Variants in PCDHGB6 observed in about 807,000 individuals in gnomAD.
The protein encoded by PCDHGB6 is protocadherin gamma subfamily B, 6, also known as protocadherin gamma-B6.
PCDHGB6 carries 51 observed loss-of-function variants against 59.1 expected under a neutral mutation model. The observed-to-expected ratio is 0.86, with a 90% CI of 0.69 to 1.09. The LOEUF is 1.09. Ranked by LOEUF, PCDHGB6 falls within the 50% of genes least tolerant of loss-of-function variation. PCDHGB6 has a pLI of 0.00. For missense variants in PCDHGB6, 1,148 were observed against 1,205.1 expected (o/e 0.95, Z 0.70); for synonymous variants, 466 against 495.1 (o/e 0.94, Z 0.78).
rs1029080327 is a variant in PCDHGB6 at position 141,512,737 on chromosome 5, G to C, written c.*1564G>C. 6.5e-5 allele frequency: 10 copies of C among 152,868 alleles called. No individual in the cohort carries two copies. The highest frequency in any genetic ancestry group is 2.4e-4 in the African/African-American group (10 of 41,472). 9.5% of individuals were successfully genotyped at this position (152,868 alleles called of 1,614,324 possible). On this transcript the variant is annotated 3_prime_UTR_variant, in exon 4 of 4. Transcript: ENST00000520790. Reference sequence around the variant, plus strand: ...ATGGCGGGTGGGCAGCGGGCGGCGGGCTCCGCGCAGCCGTCTGTCCTTGAT... The same window carrying C: ...ATGGCGGGTGGGCAGCGGGCGGCGGCCTCCGCGCAGCCGTCTGTCCTTGAT...
At position 141,489,185 on chromosome 5, in the gene PCDHGB6, T is replaced by TCTA; in HGVS notation, c.2419-5620_2419-5618dup. Reference sequence around the variant, plus strand: ...CAGCTGCTGCATTCCAAGCCCTGGGTCTACCTTGGAGACAGGACAGCACAG... The same window carrying TCTA: ...CAGCTGCTGCATTCCAAGCCCTGGGTCTACTACCTTGGAGACAGGACAGCACAG... On this transcript the variant is annotated intron_variant, in intron 1 of 3. Coordinates refer to ENST00000520790, the MANE Select transcript of PCDHGB6 (RefSeq NM_018926.3). This position sits in a 1 kb window ranked among gnomAD's most constrained non-coding sequence, Gnocchi z 4.5. 7.8e-7 allele frequency: 1 copy of TCTA among 1,286,838 alleles called. No homozygotes were observed. The highest frequency in any genetic ancestry group is 1.5e-5 in the South Asian group (1 of 65,798). The allele number at this position is 1,286,838 out of a possible 1,614,324, so 79.7% of individuals were successfully genotyped here.
chr5:141,419,886 G>A lies in PCDHGB6; in HGVS notation c.2418+9266G>A, dbSNP rs1195529127. ...TTGCAAGAGGTACTGCCGGATTTCA[G>A]CGACCATCCCACACCCTCTGACTCC... On this transcript the variant is annotated intron_variant, in intron 1 of 3. Transcript: ENST00000520790. 1.9e-6 allele frequency: 3 copies of A among 1,614,076 alleles called. No individual in the cohort carries two copies. In the East Asian group the frequency reaches 6.7e-5, roughly 36 times the overall value.
intron 1 of PCDHGB6, chr5:141,414,697 T>C (rs748722995): frequency 6.2e-7 from 1 of 1,614,036 alleles, no homozygotes; most frequent in Non-Finnish European, 8.5e-7. Flanking sequence ...TCTGTCCTCA[T>C]ACATATCCAT....
chr5:141,499,122 A>G (rs971741957), intron 2 of PCDHGB6, among the ~76,000 whole-genome samples: 3 of 152,140 alleles, frequency 2.0e-5, no homozygotes, highest in African/African-American at 7.2e-5. Context: ...ATCCCTTCTC[A>G]GGTCATCCTT....
At chr5:141,439,774 T>G (rs1435214431) in intron 1 of PCDHGB6, 2 of 152,364 alleles carry the variant, frequency 1.3e-5, no homozygotes, top group East Asian at 3.9e-4. Context: ...CCTTCTTGGC[T>G]GGAGATTCTA....
chr5:141,475,424 T>C (rs2099363271), intron 1 of PCDHGB6, among the ~76,000 whole-genome samples: 1 of 152,244 alleles, frequency 6.6e-6, no homozygotes, highest in African/African-American at 2.4e-5. Context: ...CTCCTGCTAA[T>C]TTGATAGTAG....
At chr5:141,478,850 A>T in intron 1 of PCDHGB6, 1 of 1,376,726 alleles carries the variant, frequency 7.3e-7, no homozygotes, top group South Asian at 1.5e-5. Context: ...AAGCTAAAAC[A>T]CAAGATCTCA....
rs750804901 is a variant in PCDHGB6, at chr5:141,476,422, C to T, written c.2419-18385C>T. ...GAGAGGAGCTGTGTGGGACACTGCC[C>T]TCTTGCACTGTAACTCTGGAGTTGG... On this transcript the variant is annotated intron_variant, in intron 1 of 3. Transcript: ENST00000520790. The surrounding 1 kb of genome is among the most constrained non-coding windows in gnomAD (Gnocchi z 7.6). The T allele has an allele frequency of 1.7e-5, 28 of 1,614,026 alleles. No homozygotes were observed. Among genetic ancestry groups the T allele is most frequent in the East Asian group, 2.2e-5 (1 of 44,860 alleles).
intron 1 of PCDHGB6, among the ~76,000 whole-genome samples, chr5:141,492,103 T>G (rs1458656062): frequency 6.6e-6 from 1 of 152,134 alleles, no homozygotes; most frequent in Non-Finnish European, 1.5e-5. Flanking sequence ...GTCTGTAGAT[T>G]TCCTCTTCGA....
intron 2 of PCDHGB6, among the ~76,000 whole-genome samples, chr5:141,499,083 C>G (rs2099789346): frequency 6.6e-6 from 1 of 152,082 alleles, no homozygotes; most frequent in African/African-American, 2.4e-5. Flanking sequence ...GAAGTTCCTG[C>G]TTGGCACATG....
intron 1 of PCDHGB6, chr5:141,427,862 C>T (rs748112227): frequency 2.6e-6 from 4 of 1,556,778 alleles, no homozygotes; most frequent in East Asian, 4.5e-5. Context: ...TGTGCGCCTT[C>T]GAGCTCACGA....
intron 1 of PCDHGB6, among the ~76,000 whole-genome samples, chr5:141,456,691 G>A (rs564429451): frequency 3.3e-5 from 5 of 152,234 alleles, no homozygotes; most frequent in South Asian, 4.1e-4. Flanking sequence ...CTGGCCAGGC[G>A]TGGTGGCTCG....
chr5:141,438,180 A>G (rs2097937602), intron 1 of PCDHGB6, among the ~76,000 whole-genome samples: 1 of 152,204 alleles, frequency 6.6e-6, no homozygotes, highest in African/African-American at 2.4e-5. Context: ...AATATTTTAT[A>G]AAGGATGAGA....
At chr5:141,423,029 A>C (rs1049470142) in intron 1 of PCDHGB6, 1 of 1,614,218 alleles carries the variant, frequency 6.2e-7, no homozygotes, top group Non-Finnish European at 8.5e-7. Context: ...GATTCAGGCC[A>C]GAACGCCTGG....
At chr5:141,452,951 G>A (rs1397204185) in intron 1 of PCDHGB6, among the ~76,000 whole-genome samples, 1 of 152,154 alleles carries the variant, frequency 6.6e-6, no homozygotes, top group Admixed American at 6.6e-5. Context: ...GCAATTGGTT[G>A]TCTTTAAACT....
At chr5:141,416,929 C>T (rs1184470714) in intron 1 of PCDHGB6, 1 of 151,960 alleles carries the variant, frequency 6.6e-6, no homozygotes. Flanking sequence ...TAGTTATTAA[C>T]TATTAAACCA....
intron 3 of PCDHGB6, among the ~76,000 whole-genome samples, chr5:141,509,841 C>T (rs546036990): frequency 2.0e-5 from 3 of 152,326 alleles, no homozygotes; most frequent in African/African-American, 7.2e-5. Context: ...ACCTCCCATT[C>T]ACTCAGAACA....
intron 1 of PCDHGB6, 178 bp downstream of exon 1, chr5:141,410,798 T>C: frequency 1.4e-6 from 1 of 712,186 alleles, no homozygotes; most frequent in Non-Finnish European, 2.1e-6. Flanking sequence ...CATAAGTTGC[T>C]CTATCTTTTT....
At chr5:141,416,186 T>G (rs904230611) in intron 1 of PCDHGB6, 2 of 152,474 alleles carry the variant, frequency 1.3e-5, no homozygotes, top group African/African-American at 4.8e-5. Flanking sequence ...TTCATTAATA[T>G]TGAATTAACA....
Sources: allele counts gnomAD v4.1 joint callset (sites outside exome capture counted in the v4.1 genomes callset), GRCh38; gene constraint gnomAD v4.1.1; non-coding constraint Gnocchi (gnomAD v3.1); transcripts MANE v1.5; gene names NCBI Gene and HGNC (gene_info 2026-07-23, HGNC 2026-07-21).